Variants in HAT1 observed in about 807,000 individuals in gnomAD.
HAT1 encodes the protein histone acetyltransferase 1.
Under a neutral mutation model 56.6 loss-of-function variants are expected in HAT1, and 20 were observed. That is an observed-to-expected ratio of 0.35 (90% CI 0.25 to 0.51). HAT1 has a LOEUF of 0.51. Among genes scored for constraint, HAT1 ranks in the 20% least tolerant of loss-of-function variants. HAT1 has a pLI of 0.95. For synonymous variants in HAT1, 146 were observed against 165.5 expected, an observed-to-expected ratio of 0.88 and a Z score of 0.91; for missense variants, 408 against 504.3, an observed-to-expected ratio of 0.81 and a Z score of 1.83.
intron 4 of HAT1, among the ~76,000 whole-genome samples, chr2:171,956,491 G>T (rs1397142694): frequency 1.3e-5 from 2 of 151,620 alleles, no homozygotes; most frequent in East Asian, 3.9e-4. Flanking sequence ...CAGCCTGAGT[G>T]ACAGAGCCAG....
Position 171,925,627 on chromosome 2 carries a change from T to C in HAT1, c.98T>C (p.Ile33Thr), listed in dbSNP as rs1164522268. ...TACAAATGTAACACCAACACAGCAA[T>C]TGAACTAAAATTAGGTATGTATGCC... is the stretch of plus-strand genomic sequence containing the variant. The part of the protein sequence containing the change: ...AEYKCNTNTA[I>T]ELKLVRFPED... Residue 33 changes from isoleucine (I) to threonine (T), a missense_variant, in exon 2 of 11, where the codon ATT becomes ACT. Physicochemically the swap from Ile to Thr is moderately conservative, Grantham distance 89. Transcript: ENST00000264108. 6.1e-6 allele frequency: 9 copies of C among 1,471,034 alleles called. No homozygotes were observed. Among genetic ancestry groups the C allele is most frequent in the African/African-American group, 5.5e-5 (4 of 72,120 alleles). 91.1% of individuals were successfully genotyped at this position (1,471,034 alleles called of 1,614,324 possible).
chr2:171,962,637 G>A (rs1326342113), intron 4 of HAT1, among the ~76,000 whole-genome samples: 3 of 152,176 alleles, frequency 2.0e-5, no homozygotes, highest in African/African-American at 7.2e-5. Context: ...CAGGTGATGT[G>A]CGTATTTTGG....
intron 4 of HAT1, among the ~76,000 whole-genome samples, chr2:171,962,144 C>G (rs1379392786): frequency 1.3e-5 from 2 of 152,002 alleles, no homozygotes; most frequent in Non-Finnish European, 2.9e-5. Flanking sequence ...TCAGGCATAT[C>G]GCTTTATTCA....
At chr2:171,955,048 G>A (rs988687000) in intron 4 of HAT1, among the ~76,000 whole-genome samples, 1 of 152,160 alleles carries the variant, frequency 6.6e-6, no homozygotes, top group Admixed American at 6.5e-5. Context: ...TATTACCTTG[G>A]TTACAGCCCA....
At chr2:171,951,762 A>G (rs944806841) in intron 3 of HAT1, among the ~76,000 whole-genome samples, 2 of 151,972 alleles carry the variant, frequency 1.3e-5, no homozygotes, top group African/African-American at 4.8e-5. Flanking sequence ...GGCATTTTGC[A>G]CACTGTTTTG....
chr2:171,974,038 G>C (rs1330258430), intron 8 of HAT1, among the ~76,000 whole-genome samples: 1 of 151,702 alleles, frequency 6.6e-6, no homozygotes, highest in African/African-American at 2.4e-5. Flanking sequence ...ATTTAGCCAG[G>C]CATGGTGGCA....
At chr2:171,948,172 T>C (rs1177408962) in intron 3 of HAT1, among the ~76,000 whole-genome samples, 14 of 152,204 alleles carry the variant, frequency 9.2e-5, no homozygotes, top group Non-Finnish European at 1.5e-5. Context: ...TCATTTCTTT[T>C]CACTATGTAT....
At chr2:171,955,773 G>A (rs907150784) in intron 4 of HAT1, among the ~76,000 whole-genome samples, 2 of 151,956 alleles carry the variant, frequency 1.3e-5, no homozygotes, top group Non-Finnish European at 2.9e-5. Flanking sequence ...AGCTGGATGC[G>A]TTGGCTCATG....
At chr2:171,965,673 C>G (rs1265054547) in intron 5 of HAT1, 114 bp from the exon 6 acceptor site, 1 of 1,093,950 alleles carries the variant, frequency 9.1e-7, no homozygotes, top group African/African-American at 1.6e-5. Context: ...TATCTATGTT[C>G]ACATCTTAAT....
At chr2:171,948,770 G>T (rs1315468585) in intron 3 of HAT1, among the ~76,000 whole-genome samples, 1 of 152,106 alleles carries the variant, frequency 6.6e-6, no homozygotes, top group Admixed American at 6.6e-5. Flanking sequence ...AATTTGATTG[G>T]TTTATTTGTG....
chr2:171,939,702 A>C (rs1166095988), intron 2 of HAT1, among the ~76,000 whole-genome samples: 4 of 152,188 alleles, frequency 2.6e-5, no homozygotes, highest in African/African-American at 9.7e-5. Flanking sequence ...CGTCCTGCAA[A>C]ATGTCAAGTT....
chr2:171,951,110 C>T (rs1687297190), intron 3 of HAT1, among the ~76,000 whole-genome samples: 1 of 152,170 alleles, frequency 6.6e-6, no homozygotes, highest in South Asian at 2.1e-4. Flanking sequence ...TGCACCAGGC[C>T]CTTATTGTGT....
At position 171,922,483 on chromosome 2, in the gene HAT1, G is replaced by T; in HGVS notation, c.-18G>T. The T allele has an allele frequency of 7.6e-7, 1 of 1,319,232 alleles. No individual in the cohort carries two copies. Among genetic ancestry groups the T allele is most frequent in the Non-Finnish European group, 9.8e-7 (1 of 1,024,590 alleles). 81.7% of individuals were successfully genotyped at this position (1,319,232 alleles called of 1,614,324 possible). On this transcript the variant is annotated 5_prime_UTR_variant, in exon 1 of 11. Coordinates refer to ENST00000264108, the MANE Select transcript of HAT1 (RefSeq NM_003642.4). Reference sequence around the variant, plus strand: ...GTTGATTCGTCCTTCCTCAGCCGCGGGTGATCGTAGCTCGGAAATGGCGGG... The same window carrying T: ...GTTGATTCGTCCTTCCTCAGCCGCGTGTGATCGTAGCTCGGAAATGGCGGG...
At chr2:171,968,635 G>C (rs1687738304) in intron 8 of HAT1, among the ~76,000 whole-genome samples, 1 of 152,126 alleles carries the variant, frequency 6.6e-6, no homozygotes, top group African/African-American at 2.4e-5. Flanking sequence ...TTCTGAATTT[G>C]ACAACTGGGT....
intron 4 of HAT1, among the ~76,000 whole-genome samples, chr2:171,953,828 C>A (rs1450862239): frequency 6.6e-6 from 1 of 151,648 alleles, no homozygotes; most frequent in African/African-American, 2.4e-5. Context: ...AACCCCGTCT[C>A]TACTAAAAAT....
intron 1 of HAT1, chr2:171,923,907 A>C (rs1256374838): frequency 6.6e-6 from 1 of 152,160 alleles, no homozygotes; most frequent in Non-Finnish European, 1.5e-5. Context: ...TTGAGCTAAT[A>C]TATGATTTCA....
At chr2:171,939,815 CAG>C (rs999852368) in intron 2 of HAT1, among the ~76,000 whole-genome samples, 3 of 148,458 alleles carry the variant, frequency 2.0e-5, no homozygotes, top group Non-Finnish European at 3.0e-5. Context: ...TTTTTTAAGA[CAG>C]GGTCTCACTT....
Position 171,946,705 on chromosome 2 carries a change from C to T in HAT1, c.113-3C>T. Reference sequence around the variant, plus strand: ...ATCTCTATTTTTTTGTCCCTTGAAACAGTTCGTTTTCCTGAAGATCTTGAA... The same window carrying T: ...ATCTCTATTTTTTTGTCCCTTGAAATAGTTCGTTTTCCTGAAGATCTTGAA... On this transcript the variant is annotated splice_polypyrimidine_tract_variant and splice_region_variant and intron_variant, in intron 2 of 10. Coordinates refer to ENST00000264108, the MANE Select transcript of HAT1 (RefSeq NM_003642.4). 1 of 1,545,378 alleles carries T rather than the reference C, an allele frequency of 6.5e-7. No individual in the cohort carries two copies. Among genetic ancestry groups the T allele is most frequent in the Non-Finnish European group, 8.9e-7 (1 of 1,123,284 alleles).
intron 7 of HAT1, 126 bp from the exon 8 acceptor site, chr2:171,966,717 A>ATAATT: frequency 1.6e-6 from 1 of 633,342 alleles, no homozygotes; most frequent in African/African-American, 1.8e-5. Context: ...ATTTTTGGGT[A>ATAATT]TCTCAAAGGT....
Sources: allele counts gnomAD v4.1 joint callset (sites outside exome capture counted in the v4.1 genomes callset), GRCh38; gene constraint gnomAD v4.1.1; transcripts MANE v1.5; gene names NCBI Gene and HGNC (gene_info 2026-07-23, HGNC 2026-07-21).